The following HIP1 variants were observed in gnomAD, a reference collection of about 807,000 sequenced individuals.
HIP1 encodes huntingtin-interacting protein 1.
A neutral mutation model predicts 147.6 loss-of-function variants in HIP1; 65 were observed. The ratio of observed to expected loss-of-function variants is 0.44; its 90% CI spans 0.36 to 0.54. HIP1 has a LOEUF of 0.54. HIP1 is among the 20% of genes least tolerant of loss of function. HIP1 has a pLI of 0.00. For missense variants in HIP1, 1,061 were observed against 1,299.6 expected (o/e 0.82, Z 2.82); for synonymous variants, 479 against 504.0 (o/e 0.95, Z 0.67).
At chr7:75,639,562 C>CCT (rs140011771) in intron 1 of HIP1, among the ~76,000 whole-genome samples, 2 of 137,398 alleles carry the variant, frequency 1.5e-5, no homozygotes, top group Non-Finnish European at 3.2e-5. Flanking sequence ...CGCCAGGAAG[C>CCT]GTGTGTGTGT....
chr7:75,669,550 A>C (rs1799674417), intron 1 of HIP1, among the ~76,000 whole-genome samples: 1 of 149,982 alleles, frequency 6.7e-6, no homozygotes, highest in South Asian at 2.1e-4. Context: ...TGATAGAGTG[A>C]GACTCTGTCT....
At chr7:75,675,721 GTA>G (rs1799866579) in intron 1 of HIP1, among the ~76,000 whole-genome samples, 2 of 152,060 alleles carry the variant, frequency 1.3e-5, no homozygotes, top group South Asian at 4.2e-4. Context: ...ACTCACACCT[GTA>G]ATCCCAGGAC....
chr7:75,538,523 C>A (rs1307947718), intron 30 of HIP1, among the ~76,000 whole-genome samples: 1 of 148,606 alleles, frequency 6.7e-6, no homozygotes, highest in Non-Finnish European at 1.5e-5. Flanking sequence ...GGGCTGGCAG[C>A]CTGAATGTGA....
intron 1 of HIP1, among the ~76,000 whole-genome samples, chr7:75,637,988 C>CACA (rs1228093347): frequency 6.2e-5 from 3 of 48,210 alleles, no homozygotes; most frequent in African/African-American, 1.8e-4. Flanking sequence ...CCCCCCCCCC[C>CACA]CCCCCACACA....
intron 1 of HIP1, chr7:75,626,886 AAC>A (rs10667159): frequency 0.057 from 8,568 of 149,520 alleles, 333 homozygotes; most frequent in East Asian, 0.24. Flanking sequence ...CATGCACACA[AAC>A]ACACACACAC....
chr7:75,736,814 A>T (rs1208395335), intron 1 of HIP1, among the ~76,000 whole-genome samples: 1 of 151,348 alleles, frequency 6.6e-6, no homozygotes, highest in Non-Finnish European at 1.5e-5. Flanking sequence ...CCATCCAGAC[A>T]CACCTGCATG....
At chr7:75,539,554 A>G in intron 29 of HIP1, 123 bp from the exon 30 acceptor site, 2 of 712,458 alleles carry the variant, frequency 2.8e-6, no homozygotes, top group East Asian at 5.5e-5. Flanking sequence ...TCCTGGCCTC[A>G]AGAGATCCTC....
At chr7:75,614,707 A>C (rs184812742) in intron 1 of HIP1, among the ~76,000 whole-genome samples, 1 of 152,264 alleles carries the variant, frequency 6.6e-6, no homozygotes, top group Non-Finnish European at 1.5e-5. Flanking sequence ...ATTTGTTACA[A>C]TAGCGAATTT....
intron 1 of HIP1, among the ~76,000 whole-genome samples, chr7:75,678,636 G>A (rs1415424524): frequency 1.3e-5 from 2 of 152,124 alleles, no homozygotes; most frequent in Admixed American, 6.6e-5. Flanking sequence ...GAGCCACTGC[G>A]TCTGGCCTCC....
At chr7:75,735,081 G>A (rs1381467365) in intron 1 of HIP1, among the ~76,000 whole-genome samples, 2 of 152,148 alleles carry the variant, frequency 1.3e-5, no homozygotes, top group Non-Finnish European at 2.9e-5. Flanking sequence ...AATGCCTTCA[G>A]GCATATTGGG....
intron 1 of HIP1, among the ~76,000 whole-genome samples, chr7:75,688,767 A>G (rs1214320452): frequency 6.6e-6 from 1 of 151,952 alleles, no homozygotes; most frequent in South Asian, 2.1e-4. Flanking sequence ...CAAATTCCAG[A>G]GCCTCCCCAG....
In HIP1 at chr7:75,710,909, A is replaced by T. The variant is rs562047259; in HGVS notation, c.120+27892T>A. Among the ~76,000 whole-genome samples, 91 of 152,268 alleles carry T rather than the reference A, an allele frequency of 6.0e-4. 1 individual carries two copies. The highest frequency in any genetic ancestry group is 5.4e-3 in the South Asian group (26 of 4,826). ...TTCCATAGACTATAAAGAACATTAT[A>T]AAAAAACCCTCTAAAGTGACACATG... On this transcript the variant is annotated intron_variant, in intron 1 of 30. Coordinates refer to ENST00000336926, the MANE Select transcript of HIP1 (RefSeq NM_005338.7).
At chr7:75,719,581 C>G (rs1554520969) in intron 1 of HIP1, among the ~76,000 whole-genome samples, 1 of 152,020 alleles carries the variant, frequency 6.6e-6, no homozygotes, top group African/African-American at 2.4e-5. Context: ...ATGTTGAGGA[C>G]TTTTCATGCT....
intron 1 of HIP1, among the ~76,000 whole-genome samples, chr7:75,710,577 A>C (rs1193065667): frequency 2.0e-5 from 3 of 152,182 alleles, no homozygotes; most frequent in Non-Finnish European, 4.4e-5. Context: ...CTTGAGAAGA[A>C]CTGGTGTTAG....
intron 1 of HIP1, among the ~76,000 whole-genome samples, chr7:75,702,774 AAAAG>A (rs1800876179): frequency 6.6e-6 from 1 of 152,128 alleles, no homozygotes; most frequent in Non-Finnish European, 1.5e-5. Flanking sequence ...CCTCACAAAA[AAAAG>A]AGAGAGAGGA....
rs910028474 is a variant in HIP1 at position 75,657,496 on chromosome 7, C to T, written c.121-58249G>A. 3.4e-5 allele frequency among the ~76,000 whole-genome samples: 5 copies of T among 147,974 alleles called. No homozygotes were observed. In the South Asian group the frequency reaches 1.1e-3, roughly 32 times the overall value. Reference sequence around the variant, plus strand: ...AGTGAGCCGAGATCCCGCCATTGCACTCCAGCCTGAGGGACAAGAGACTTT... The same window carrying T: ...AGTGAGCCGAGATCCCGCCATTGCATTCCAGCCTGAGGGACAAGAGACTTT... On this transcript the variant is annotated intron_variant, in intron 1 of 30. Coordinates refer to ENST00000336926, the MANE Select transcript of HIP1 (RefSeq NM_005338.7).
rs1563281848 is a variant in HIP1, at chr7:75,668,180, A to T, written c.121-68933T>A. Among the ~76,000 whole-genome samples the T allele has an allele frequency of 2.0e-5, 3 of 152,302 alleles. No individual in the cohort carries two copies. The South Asian group carries it at 6.2e-4, about 32-fold the overall frequency. On this transcript the variant is annotated intron_variant, in intron 1 of 30. Coordinates refer to ENST00000336926, the MANE Select transcript of HIP1 (RefSeq NM_005338.7). ...ATAAACCCTTTTTGGCACCAAACCAAAAGTCAGATCAGTTTTCCAAAATGC... is the reference window on the plus strand; with the variant it reads ...ATAAACCCTTTTTGGCACCAAACCATAAGTCAGATCAGTTTTCCAAAATGC...
At chr7:75,692,814 T>C (rs1374092985) in intron 1 of HIP1, among the ~76,000 whole-genome samples, 1 of 152,124 alleles carries the variant, frequency 6.6e-6, no homozygotes, top group Non-Finnish European at 1.5e-5. Flanking sequence ...TCATCTCTCT[T>C]CCCCATCTTC....
chr7:75,559,184 A>G (rs1020784834), intron 14 of HIP1, among the ~76,000 whole-genome samples: 17 of 152,264 alleles, frequency 1.1e-4, no homozygotes, highest in Non-Finnish European at 1.9e-4. Flanking sequence ...TGGTGCAATC[A>G]GCTCACTGCA....
Sources: gnomAD v4.1 joint callset for allele counts (sites outside exome capture counted in the v4.1 genomes callset) on GRCh38, gnomAD v4.1.1 for gene constraint, MANE v1.5 for transcripts, NCBI Gene and HGNC (gene_info 2026-07-23, HGNC 2026-07-21) for gene names.